Variants in ING3 observed in about 807,000 individuals in gnomAD.
ING3 encodes inhibitor of growth protein 3.
In ING3, 6 loss-of-function variants were observed where a neutral mutation model predicts 64.8. That is an observed-to-expected ratio of 0.09 (90% confidence interval 0.05 to 0.18). The LOEUF (loss-of-function observed/expected upper bound fraction) is 0.18. Ranked by LOEUF, ING3 falls within the 10% of genes least tolerant of loss-of-function variation. The pLI, the probability that ING3 is intolerant of heterozygous loss-of-function variation, is 1.00. For synonymous variants in ING3, 170 were observed against 173.7 expected, an observed-to-expected ratio of 0.98 and a Z score of 0.17; for missense variants, 310 against 489.7, an observed-to-expected ratio of 0.63 and a Z score of 3.46.
In ING3 at chr7:120,953,271, C is replaced by A. The variant is rs568647960; in HGVS notation, c.101-33C>A. On this transcript the variant is annotated intron_variant, in intron 2 of 11. Transcript: ENST00000315870. Reference sequence around the variant, plus strand: ...TGTATATTTAGTATATGAATTTGGTCATTTAATATGAATTTTTTTTATTAT... The same window carrying A: ...TGTATATTTAGTATATGAATTTGGTAATTTAATATGAATTTTTTTTATTAT... 5.3e-6 allele frequency: 7 copies of A among 1,311,502 alleles called. No individual in the cohort carries two copies. The South Asian group carries it at 7.9e-5, about 15-fold the overall frequency. 81.2% of individuals were successfully genotyped at this position (1,311,502 alleles called of 1,614,324 possible).
At chr7:120,966,443 A>G (rs904861545) in intron 5 of ING3, among the ~76,000 whole-genome samples, 183 bp from the exon 6 acceptor site, 2 of 152,202 alleles carry the variant, frequency 1.3e-5, no homozygotes, top group Non-Finnish European at 2.9e-5. Context: ...AGAGAGGATA[A>G]CTCAGTGTGG....
chr7:120,963,547 T>C (rs1013698065), intron 4 of ING3, among the ~76,000 whole-genome samples: 2 of 152,190 alleles, frequency 1.3e-5, no homozygotes, highest in African/African-American at 2.4e-5. Flanking sequence ...TTGGTTTCTG[T>C]AATGCATTAG....
intron 4 of ING3, chr7:120,956,375 T>G: frequency 1.5e-6 from 2 of 1,336,916 alleles, no homozygotes; most frequent in South Asian, 3.2e-5. Flanking sequence ...TTCATACTTA[T>G]GTTGTCTTTC....
Position 120,950,784 on chromosome 7 carries a change from C to A in ING3, c.-113C>A, listed in dbSNP as rs1795745056. On this transcript the variant is annotated 5_prime_UTR_variant, in exon 1 of 12. Transcript: ENST00000315870. ...TTTCTTTTTTTTTTTTTGCCGGAGT[C>A]GAGCGGGTGCTGCTAGCGGAGGCGC... 5 of 427,720 alleles carry A rather than the reference C, an allele frequency of 1.2e-5. No homozygotes were observed. The highest frequency in any genetic ancestry group is 2.0e-5 in the Non-Finnish European group (5 of 244,088). 26.5% of individuals were successfully genotyped at this position (427,720 alleles called of 1,614,324 possible). A position where few individuals can be genotyped will look rare whatever the true frequency, so the allele number is the denominator to read the frequency against.
chr7:120,964,943 TG>T (rs1795978810), intron 5 of ING3, 105 bp downstream of exon 5: 1 of 858,404 alleles, frequency 1.2e-6, no homozygotes, highest in Non-Finnish European at 1.9e-6. Flanking sequence ...CTTCAATGGA[TG>T]GTGGCATCCA....
intron 8 of ING3, among the ~76,000 whole-genome samples, 187 bp from the exon 9 acceptor site, chr7:120,968,824 C>T (rs1427442670): frequency 8.0e-6 from 1 of 124,718 alleles, no homozygotes; most frequent in African/African-American, 3.2e-5. Context: ...CCAGCCCAAG[C>T]GACAGATTGA....
chr7:120,971,001 T>TC, intron 10 of ING3, 121 bp downstream of exon 10: 1 of 1,036,520 alleles, frequency 9.6e-7, no homozygotes, highest in Non-Finnish European at 1.4e-6. Flanking sequence ...TGTATACTTT[T>TC]CTCCCCCTTC....
intron 8 of ING3, 113 bp downstream of exon 8, chr7:120,968,204 T>A (rs903860247): frequency 4.3e-6 from 4 of 922,908 alleles, no homozygotes; most frequent in Non-Finnish European, 6.4e-6. Context: ...ATATTTTCAT[T>A]TTTAAGTCAT....
At chr7:120,955,491 TG>T in intron 3 of ING3, 67 bp from the exon 4 acceptor site, 1 of 1,027,574 alleles carries the variant, frequency 9.7e-7, no homozygotes, top group Admixed American at 1.9e-5. Context: ...AAAATGCAGT[TG>T]TATGTCCTGC....
intron 4 of ING3, chr7:120,956,722 T>A: frequency 1.0e-6 from 1 of 981,796 alleles, no homozygotes; most frequent in East Asian, 1.1e-4. Context: ...TTTCAGTCTT[T>A]AATTATGTCT....
At chr7:120,972,071 T>C (rs1342800046) in intron 10 of ING3, among the ~76,000 whole-genome samples, 1 of 152,172 alleles carries the variant, frequency 6.6e-6, no homozygotes, top group Non-Finnish European at 1.5e-5. Flanking sequence ...TCTATTGTTT[T>C]TGTTATGTAC....
chr7:120,972,455 C>G (rs1009050065), intron 10 of ING3, among the ~76,000 whole-genome samples: 3 of 152,058 alleles, frequency 2.0e-5, no homozygotes, highest in African/African-American at 7.2e-5. Context: ...TGTATCCTGA[C>G]AACAAAAGTA....
At chr7:120,973,286 G>A (rs769784645) in intron 11 of ING3, 43 bp downstream of exon 11, 2 of 1,258,296 alleles carry the variant, frequency 1.6e-6, no homozygotes, top group Non-Finnish European at 2.3e-6. Flanking sequence ...AAAAATCACA[G>A]GTTGTTATTA....
At chr7:120,957,816 A>G (rs991501982) in intron 4 of ING3, among the ~76,000 whole-genome samples, 1 of 152,234 alleles carries the variant, frequency 6.6e-6, no homozygotes, top group East Asian at 1.9e-4. Context: ...TAATGGATCC[A>G]TGCAGATGTG....
chr7:120,973,742 A>C (rs1485777340), intron 11 of ING3, among the ~76,000 whole-genome samples: 1 of 152,162 alleles, frequency 6.6e-6, no homozygotes, highest in Admixed American at 6.5e-5. Flanking sequence ...AAGTAAAGGA[A>C]ATTTGAAAGG....
intron 4 of ING3, among the ~76,000 whole-genome samples, chr7:120,964,138 ATAATTT>A (rs1196328984): frequency 1.3e-5 from 2 of 152,166 alleles, no homozygotes; most frequent in African/African-American, 4.8e-5. Context: ...TATAAATAAA[ATAATTT>A]TAACCAGATC....
Position 120,967,563 on chromosome 7 carries a change from A to G in ING3, c.471A>G (p.Thr157=). The G allele has an allele frequency of 6.3e-7, 1 of 1,588,004 alleles. No homozygotes were observed. Among genetic ancestry groups the G allele is most frequent in the Non-Finnish European group, 8.6e-7 (1 of 1,158,352 alleles). ...ATAATCCAACTTCTCACCATACGAC[A>G]ACAGATCATATTCCTGAAAAGAAAT... The part of the protein sequence containing the change: ...RKYNPTSHHT[T]TDHIPEKKFK... The change falls in exon 7 of 12, where the codon ACA becomes ACG. Residue 157 remains threonine (T), a synonymous_variant. Transcript: ENST00000315870.
At chr7:120,969,281 A>G in intron 9 of ING3, 77 bp downstream of exon 9, 4 of 1,134,650 alleles carry the variant, frequency 3.5e-6, no homozygotes, top group Non-Finnish European at 5.0e-6. Context: ...AGGCCTCTCT[A>G]TGTTAAAGGC....
At chr7:120,959,267 C>T (rs2116664153) in intron 4 of ING3, among the ~76,000 whole-genome samples, 1 of 152,366 alleles carries the variant, frequency 6.6e-6, no homozygotes. Context: ...ACAAATTCCA[C>T]AGCGTAAAGA....
Sources: allele counts gnomAD v4.1 joint callset (sites outside exome capture counted in the v4.1 genomes callset), GRCh38; gene constraint gnomAD v4.1.1; transcripts MANE v1.5; gene names NCBI Gene and HGNC (gene_info 2026-07-23, HGNC 2026-07-21).